Variants in CCDC154 observed in about 807,000 individuals in gnomAD.
CCDC154 encodes coiled-coil domain-containing protein 154.
A neutral mutation model predicts 87.5 loss-of-function variants in CCDC154; 91 were observed. That is an observed-to-expected ratio of 1.04 (90% CI 0.88 to 1.24). CCDC154 has a LOEUF of 1.24. Ranked by LOEUF, CCDC154 falls within the 50% of genes most tolerant of loss-of-function variation. The pLI is 0.00. For synonymous variants in CCDC154, 418 were observed against 400.4 expected (o/e 1.04, Z -0.52); for missense variants, 903 against 879.2 (o/e 1.03, Z -0.34).
intron 6 of CCDC154, 148 bp from the exon 7 acceptor site, chr16:1,439,274 G>C: frequency 2.9e-6 from 2 of 691,394 alleles, no homozygotes; most frequent in Non-Finnish European, 4.9e-6. Flanking sequence ...ACCCTCAGCC[G>C]GAAGAAAGCC....
Position 1,438,673 on chromosome 16 carries a change from A to G in CCDC154, c.971T>C (p.Val324Ala). ...DAAVAQLTKF[V>A]QQNQASLNRV... ...GTTCAGCGACGCCTGGTTCTGCTGC[A>G]CAAACTTGGTCAGCTGGGCCACGGC... Residue 324 changes from valine to alanine, a missense_variant, in exon 9 of 17, where the codon GTG becomes GCG. By Grantham distance (64) the Val-to-Ala change is moderately conservative. Transcript: ENST00000389176. 1.3e-6 allele frequency: 2 copies of G among 1,550,104 alleles called. No homozygotes were observed. Among genetic ancestry groups the G allele is most frequent in the Non-Finnish European group, 1.7e-6 (2 of 1,146,788 alleles).
At chr16:1,436,659 A>T in intron 12 of CCDC154, 33 bp downstream of exon 12, 1 of 1,549,052 alleles carries the variant, frequency 6.5e-7, no homozygotes, top group Non-Finnish European at 8.7e-7. Context: ...TCCAAGGCCC[A>T]AGTACACCAA....
intron 9 of CCDC154, 126 bp downstream of exon 9, chr16:1,438,493 G>A (rs988388976): frequency 8.7e-6 from 8 of 916,080 alleles, no homozygotes; most frequent in Non-Finnish European, 8.4e-6. Flanking sequence ...TGCAGCCCTC[G>A]GGGTCGAGCA....
At position 1,442,783 on chromosome 16, in the gene CCDC154, G is replaced by C. The variant is rs541203507; in HGVS notation, c.551+97C>G. 5.2e-5 allele frequency: 66 copies of C among 1,267,554 alleles called. No homozygotes were observed. The African/African-American group carries it at 8.4e-4, about 16-fold the overall frequency. The allele number at this position is 1,267,554 out of a possible 1,614,324, so 78.5% of individuals were successfully genotyped here. ...GGGCGGTGCCCCGCCGGGTTACTGG[G>C]GACACACGGCAGGGGGACCCGTGTC... On this transcript the variant is annotated intron_variant, in intron 5 of 16. Coordinates refer to ENST00000389176, the MANE Select transcript of CCDC154 (RefSeq NM_001143980.3).
At chr16:1,437,000 G>A (rs974701287) in intron 11 of CCDC154, among the ~76,000 whole-genome samples, 189 bp from the exon 12 acceptor site, 1 of 152,214 alleles carries the variant, frequency 6.6e-6, no homozygotes, top group African/African-American at 2.4e-5. Context: ...CACATGCCAA[G>A]GCAGGGCCTG....
intron 11 of CCDC154, chr16:1,437,459 C>T: frequency 7.9e-6 from 2 of 251,748 alleles, no homozygotes; most frequent in East Asian, 8.5e-5. Flanking sequence ...ACGGGTGAAC[C>T]GTGTGGGGAG....
chr16:1,434,570 C>CCCCCCCCCCCCCCCT, intron 16 of CCDC154, 36 bp from the exon 17 acceptor site: 2 of 1,518,524 alleles, frequency 1.3e-6, no homozygotes, highest in Non-Finnish European at 1.8e-6. Context: ...CCTGCACCCC[C>CCCCCCCCCCCCCCCT]GCCCCACCCC....
rs779738685 is a variant in CCDC154 at position 1,443,633 on chromosome 16, G to A, written c.287C>T (p.Ala96Val). Residue 96 changes from alanine (A) to valine (V), a missense_variant, in exon 3 of 17, where the codon GCC becomes GTC. Coordinates refer to ENST00000389176, the MANE Select transcript of CCDC154 (RefSeq NM_001143980.3). ...CAGCTCCCGCAGCAGGCTCCGCGTG[G>A]CGCGCTCACAGCGCTGCTTGTGCTC... ...LREHKQRCER[A>V]TRSLLRELLQ... 1.5e-6 allele frequency: 2 copies of A among 1,376,736 alleles called. No individual in the cohort carries two copies. The highest frequency in any genetic ancestry group is 1.9e-6 in the Non-Finnish European group (2 of 1,051,598). 85.3% of individuals were successfully genotyped at this position (1,376,736 alleles called of 1,614,324 possible).
At chr16:1,442,653 G>A (rs1281464504) in intron 5 of CCDC154, 124 bp from the exon 6 acceptor site, 7 of 1,220,220 alleles carry the variant, frequency 5.7e-6, no homozygotes, top group Non-Finnish European at 7.8e-6. Flanking sequence ...CCAGAAAACA[G>A]AGGAATGGGA....
chr16:1,435,062 G>T, intron 15 of CCDC154, 27 bp downstream of exon 15: 1 of 1,542,028 alleles, frequency 6.5e-7, no homozygotes. Flanking sequence ...GGAGCTGGGC[G>T]GTGCCGGCCG....
At chr16:1,438,022 T>G in intron 10 of CCDC154, 28 bp downstream of exon 10, 1 of 1,541,452 alleles carries the variant, frequency 6.5e-7, no homozygotes, top group African/African-American at 1.4e-5. Flanking sequence ...GGAGACCCCG[T>G]TGGGGACATG....
Position 1,442,911 on chromosome 16 carries a change from T to A in CCDC154, c.520A>T (p.Arg174Ter). Residue 174 changes from arginine to a stop codon, truncating the protein, a stop_gained, in exon 5 of 17, where the codon AGA becomes TGA. Transcript: ENST00000389176. LOFTEE classifies it high-confidence loss of function. The stretch of plus-strand genomic sequence containing the variant: ...CCGGCCTCTTGCTCGGCGCCCCTTC[T>A]CTCCGCCTCCTGTTGCACCTGCCTC... ...RRRQVQQEAE[R>*]RGAEQEAGLR... 6.5e-7 allele frequency: 1 copy of A among 1,549,082 alleles called. No homozygotes were observed. Among genetic ancestry groups the A allele is most frequent in the Non-Finnish European group, 8.7e-7 (1 of 1,146,342 alleles).
In CCDC154 at chr16:1,434,496, G is replaced by T; in HGVS notation, c.1916C>A (p.Ala639Asp). ...CAGGACCCCTCCTGGCCTCCGCAGG[G>T]CCCTGAGCTTTATGAGGGACGCCTT... ...RWKASLIKLR[A>D]LRRPGGVLEK... is the part of the protein sequence containing the mutation. The change falls in exon 17 of 17, where the codon GCC (alanine) becomes GAC (aspartate). Residue 639 changes from alanine (A) to aspartate (D), a missense_variant. Physicochemically the swap from Ala to Asp is moderately radical, Grantham distance 126. Coordinates refer to ENST00000389176, the MANE Select transcript of CCDC154 (RefSeq NM_001143980.3). 3 of 1,549,586 alleles carry T rather than the reference G, an allele frequency of 1.9e-6. No homozygotes were observed. The highest frequency in any genetic ancestry group is 1.7e-6 in the Non-Finnish European group (2 of 1,146,752).
Position 1,434,545 on chromosome 16 carries a change from ATG to A in CCDC154, c.1878-13_1878-12del. 1 of 1,540,348 alleles carries A rather than the reference ATG, an allele frequency of 6.5e-7. No individual in the cohort carries two copies. Among genetic ancestry groups the A allele is most frequent in the Non-Finnish European group, 8.7e-7 (1 of 1,143,162 alleles). On this transcript the variant is annotated splice_polypyrimidine_tract_variant and intron_variant, in intron 16 of 16. Coordinates refer to ENST00000389176, the MANE Select transcript of CCDC154 (RefSeq NM_001143980.3). ...TTCCAGCGCAGCCACCTGTCCAGAG[ATG>A]CGGCACATGGCCCCTGCACCCCCGC...
rs1259977185 is a variant in CCDC154, at chr16:1,436,696, TG to T, written c.1405del (p.Gln469SerfsTer3). The T allele has an allele frequency of 9.0e-6, 14 of 1,550,044 alleles. No homozygotes were observed. Among genetic ancestry groups the T allele is most frequent in the Non-Finnish European group, 1.0e-5 (12 of 1,146,922 alleles). ...GVREKVDGLPQQIESVSDKCL... is the reference protein window; with the variant it reads ...GVREKVDGLPXQIESVSDKCL... ...GCTGGCTGTGCCTTCGCCCACCTGCTGGGGGAGGCCATCCACCTTCTCCCGC... is the reference window on the plus strand; with the variant it reads ...GCTGGCTGTGCCTTCGCCCACCTGCTGGGGAGGCCATCCACCTTCTCCCGC... On this transcript the variant is annotated frameshift_variant, in exon 12 of 17. Coordinates refer to ENST00000389176, the MANE Select transcript of CCDC154 (RefSeq NM_001143980.3). LOFTEE classifies it high-confidence loss of function.
intron 14 of CCDC154, 68 bp from the exon 15 acceptor site, chr16:1,435,243 C>A: frequency 7.4e-7 from 1 of 1,351,012 alleles, no homozygotes; most frequent in Non-Finnish European, 1.0e-6. Context: ...CCCACAGGCA[C>A]CCCGATATCC....
rs111957036 is a variant in CCDC154, at chr16:1,436,044, T to C, written c.1530A>G (p.Leu510=). The change falls in exon 14 of 17, where the codon CTA becomes CTG. Residue 510 remains leucine, a synonymous_variant. Coordinates refer to ENST00000389176, the MANE Select transcript of CCDC154 (RefSeq NM_001143980.3). ...CCTTTAGCAGCTGCACGGATGATAG[T>C]AGCGTGGCCAGCTCCTGCCGCAGGG... ...VGALRQELAT[L]LSSVQLLKED... The C allele has an allele frequency of 1.8e-3, 2,788 of 1,550,318 alleles. 63 individuals carry two copies. The African/African-American group carries it at 0.034, about 19-fold the overall frequency.
intron 13 of CCDC154, 48 bp downstream of exon 13, chr16:1,436,397 A>G (rs6600145): frequency 0.11 from 159,373 of 1,447,464 alleles, 14,669 homozygotes; most frequent in African/African-American, 0.48. Flanking sequence ...CCAGCCCAGT[A>G]ACGGTCAGCA....
rs1340604992 is a variant in CCDC154, at chr16:1,436,675, G to T, written c.1410+17C>A. 4.5e-6 allele frequency: 7 copies of T among 1,549,562 alleles called. No homozygotes were observed. In the African/African-American group the frequency reaches 9.6e-5, roughly 21 times the overall value. On this transcript the variant is annotated intron_variant, in intron 12 of 16. Coordinates refer to ENST00000389176, the MANE Select transcript of CCDC154 (RefSeq NM_001143980.3). The stretch of plus-strand genomic sequence containing the variant: ...CCAAGGCCCAAGTACACCAAGGCTG[G>T]CTGTGCCTTCGCCCACCTGCTGGGG...
Sources: gnomAD v4.1 joint callset for allele counts (sites outside exome capture counted in the v4.1 genomes callset) on GRCh38, gnomAD v4.1.1 for gene constraint, MANE v1.5 for transcripts, NCBI Gene and HGNC (gene_info 2026-07-23, HGNC 2026-07-21) for gene names.